Variants in EML6 observed in about 807,000 individuals in gnomAD.
The protein encoded by EML6 is echinoderm microtubule-associated protein-like 6.
In EML6, 154 loss-of-function variants were observed where a neutral mutation model predicts 240.1. That is an observed-to-expected ratio of 0.64 (90% confidence interval 0.56 to 0.73). EML6 has a LOEUF of 0.73. Ranked by LOEUF, EML6 falls within the 30% of genes least tolerant of loss-of-function variation. The pLI is 0.00. For missense variants in EML6, 2,964 were observed against 2,474.6 expected (o/e 1.20, Z -4.20); for synonymous variants, 1,148 against 899.0 (o/e 1.28, Z -4.95).
chr2:54,852,535 G>C (rs914105647), intron 10 of EML6, among the ~76,000 whole-genome samples: 1 of 152,184 alleles, frequency 6.6e-6, no homozygotes, highest in Non-Finnish European at 1.5e-5. Context: ...TGGTCCAGCT[G>C]TTGGAATTCC....
rs568472145 is a variant in EML6 at position 54,845,783 on chromosome 2, C to T, written c.1049+1535C>T. 5.3e-5 allele frequency among the ~76,000 whole-genome samples: 8 copies of T among 152,258 alleles called. No individual in the cohort carries two copies. The East Asian group carries it at 1.5e-3, about 29-fold the overall frequency. On this transcript the variant is annotated intron_variant, in intron 8 of 41. Coordinates refer to ENST00000356458, the MANE Select transcript of EML6 (RefSeq NM_001039753.4). Reference sequence around the variant, plus strand: ...GTAAGCTATTTACTGTGCAGCTCAGCATGGAAGGGATGTGCCCCATCCCTT... The same window carrying T: ...GTAAGCTATTTACTGTGCAGCTCAGTATGGAAGGGATGTGCCCCATCCCTT...
intron 2 of EML6, among the ~76,000 whole-genome samples, chr2:54,744,184 T>C (rs1361299815): frequency 1.3e-5 from 2 of 152,086 alleles, no homozygotes; most frequent in African/African-American, 4.8e-5. Flanking sequence ...GAAATGCAGC[T>C]GTGAGACAGG....
chr2:54,877,707 T>A (rs1671584583), intron 16 of EML6, among the ~76,000 whole-genome samples: 3 of 152,220 alleles, frequency 2.0e-5, no homozygotes, highest in African/African-American at 7.2e-5. Flanking sequence ...AAAGACGTAG[T>A]TTATAATAAT....
intron 31 of EML6, among the ~76,000 whole-genome samples, chr2:54,953,721 T>C (rs1452547473): frequency 1.3e-5 from 2 of 152,106 alleles, no homozygotes; most frequent in Non-Finnish European, 2.9e-5. Context: ...ATGCTGTCTC[T>C]GCTGAAAATA....
At chr2:54,888,776 A>G (rs1038446482) in intron 17 of EML6, among the ~76,000 whole-genome samples, 6 of 152,320 alleles carry the variant, frequency 3.9e-5, no homozygotes, top group Middle Eastern at 3.4e-3. Flanking sequence ...GCTGAAGGAC[A>G]TCTATGTTGC....
At chr2:54,914,770 C>A (rs574212375) in intron 25 of EML6, among the ~76,000 whole-genome samples, 1 of 149,996 alleles carries the variant, frequency 6.7e-6, no homozygotes, top group East Asian at 2.0e-4. Context: ...TTTGGAAAAT[C>A]TTTTTCAAAG....
At chr2:54,935,779 G>C (rs1675103863) in intron 28 of EML6, among the ~76,000 whole-genome samples, 1 of 152,220 alleles carries the variant, frequency 6.6e-6, no homozygotes, top group Non-Finnish European at 1.5e-5. Flanking sequence ...GGAAGGCTGA[G>C]GTGGGAGGAT....
At chr2:54,789,395 T>G (rs925200436) in intron 2 of EML6, among the ~76,000 whole-genome samples, 1 of 150,758 alleles carries the variant, frequency 6.6e-6, no homozygotes, top group Non-Finnish European at 1.5e-5. Flanking sequence ...GCGCCTGTAG[T>G]CCCAGCTACT....
chr2:54,836,229 T>G (rs1669135278), intron 7 of EML6, among the ~76,000 whole-genome samples: 1 of 152,132 alleles, frequency 6.6e-6, no homozygotes, highest in Admixed American at 6.5e-5. Context: ...TTGTAGTAAT[T>G]CCTCTGTAAA....
At chr2:54,843,494 C>T (rs1352043852) in intron 7 of EML6, among the ~76,000 whole-genome samples, 4 of 152,126 alleles carry the variant, frequency 2.6e-5, no homozygotes, top group Non-Finnish European at 5.9e-5. Context: ...AAAGCAGCCA[C>T]TCTTTTGCAA....
At position 54,820,375 on chromosome 2, in the gene EML6, C is replaced by A. The variant is rs537730889; in HGVS notation, c.457-19C>A. On this transcript the variant is annotated intron_variant, in intron 4 of 41. Coordinates refer to ENST00000356458, the MANE Select transcript of EML6 (RefSeq NM_001039753.4). Reference sequence around the variant, plus strand: ...ATATACCAAATGATCAACATGGCAACTTTTAATGTTTTGAACAGATTTTTG... The same window carrying A: ...ATATACCAAATGATCAACATGGCAAATTTTAATGTTTTGAACAGATTTTTG... 34 of 1,531,044 alleles carry A rather than the reference C, an allele frequency of 2.2e-5. No homozygotes were observed. The highest frequency in any genetic ancestry group is 2.7e-6 in the Non-Finnish European group (3 of 1,131,532). 94.8% of individuals were successfully genotyped at this position (1,531,044 alleles called of 1,614,324 possible). A position where few individuals can be genotyped will look rare whatever the true frequency, so the allele number is the denominator to read the frequency against.
rs187312173 is a variant in EML6, at chr2:54,741,655, G to A, written c.197+16397G>A. 6.6e-5 allele frequency among the ~76,000 whole-genome samples: 10 copies of A among 152,306 alleles called. No homozygotes were observed. In the East Asian group the frequency reaches 1.7e-3, roughly 26 times the overall value. On this transcript the variant is annotated intron_variant, in intron 2 of 41. Transcript: ENST00000356458. ...CAAGATACATCTGGAATATCTTCTT[G>A]TGCTAGAAAATATAGCAGTGCTTAA...
chr2:54,801,512 G>A (rs1012588884), intron 2 of EML6, among the ~76,000 whole-genome samples: 3 of 152,188 alleles, frequency 2.0e-5, no homozygotes, highest in Admixed American at 2.0e-4. Flanking sequence ...TGTGATGTCT[G>A]GGATTGCTTG....
intron 26 of EML6, among the ~76,000 whole-genome samples, chr2:54,921,816 T>C (rs1326515848): frequency 1.3e-5 from 2 of 151,976 alleles, no homozygotes; most frequent in African/African-American, 2.4e-5. Flanking sequence ...ACCAAAAATA[T>C]ACGGTAAGGA....
intron 17 of EML6, chr2:54,882,323 C>T (rs529661178): frequency 7.2e-6 from 1 of 138,266 alleles, no homozygotes; most frequent in African/African-American, 2.7e-5. Context: ...GTCTAGTATA[C>T]AAGTATCCCA....
chr2:54,816,804 G>T lies in EML6; in HGVS notation c.375G>T (p.Gly125=). 1 of 1,551,266 alleles carries T rather than the reference G, an allele frequency of 6.4e-7. No homozygotes were observed. The highest frequency in any genetic ancestry group is 8.7e-7 in the Non-Finnish European group (1 of 1,146,654). ...ATTCTTAGCGTTTAGCCTCTGTGGG[G>T]TTGGATGCCAAAAACACAGTCTGCA... ...DSDGQRLASV[G]LDAKNTVCIW... The change falls in exon 4 of 42, where the codon GGG becomes GGT. Residue 125 remains glycine (G), a synonymous_variant. Transcript: ENST00000356458.
At chr2:54,741,548 A>T (rs1683633807) in intron 2 of EML6, among the ~76,000 whole-genome samples, 1 of 152,222 alleles carries the variant, frequency 6.6e-6, no homozygotes, top group Non-Finnish European at 1.5e-5. Context: ...CCAAGAATTC[A>T]GTTTCTAAAG....
Position 54,903,202 on chromosome 2 carries a change from G to A in EML6, c.3277+6G>A, listed in dbSNP as rs748185013. 4 of 1,551,056 alleles carry A rather than the reference G, an allele frequency of 2.6e-6. No homozygotes were observed. The South Asian group carries it at 4.8e-5, about 18-fold the overall frequency. Reference sequence around the variant, plus strand: ...TGATATTAAGTTTTCAAAAGGTGAAGATGACAGCAGATACTTTTTAAAATA... The same window carrying A: ...TGATATTAAGTTTTCAAAAGGTGAAAATGACAGCAGATACTTTTTAAAATA... On this transcript the variant is annotated splice_donor_region_variant and intron_variant, in intron 23 of 41. Coordinates refer to ENST00000356458, the MANE Select transcript of EML6 (RefSeq NM_001039753.4).
intron 28 of EML6, among the ~76,000 whole-genome samples, chr2:54,939,881 A>C (rs1429096709): frequency 6.6e-6 from 1 of 152,244 alleles, no homozygotes; most frequent in African/African-American, 2.4e-5. Flanking sequence ...TATAGAGGCA[A>C]CTTAACTCTC....
Sources: allele counts gnomAD v4.1 joint callset (sites outside exome capture counted in the v4.1 genomes callset), GRCh38; gene constraint gnomAD v4.1.1; transcripts MANE v1.5; gene names NCBI Gene and HGNC (gene_info 2026-07-23, HGNC 2026-07-21).